The following CDK14 variants were observed in gnomAD, a reference collection of about 807,000 sequenced individuals.
The protein encoded by CDK14 is cyclin dependent kinase 14, also known as cyclin-dependent kinase 14.
CDK14 carries 34 observed loss-of-function variants against 60.7 expected under a neutral mutation model. The observed-to-expected ratio is 0.56, with a 90% confidence interval of 0.43 to 0.75. The LOEUF is 0.75. CDK14 is among the 30% of genes least tolerant of loss of function. The pLI, the probability that CDK14 is intolerant of heterozygous loss-of-function variation, is 0.00. For synonymous variants in CDK14, 197 were observed against 203.7 expected (o/e 0.97, Z 0.28); for missense variants, 482 against 564.1 (o/e 0.85, Z 1.47).
At chr7:90,767,146 T>C (rs977399824) in intron 4 of CDK14, among the ~76,000 whole-genome samples, 2 of 152,194 alleles carry the variant, frequency 1.3e-5, no homozygotes, top group Non-Finnish European at 2.9e-5. Context: ...CAATTATACC[T>C]TTAACAGACA....
intron 9 of CDK14, among the ~76,000 whole-genome samples, chr7:90,976,594 C>G (rs2115584665): frequency 6.6e-6 from 1 of 151,980 alleles, no homozygotes; most frequent in Middle Eastern, 3.4e-3. Context: ...AACTCCCTAG[C>G]CTCAAGTGAT....
At chr7:90,739,413 T>A (rs1266554280) in intron 3 of CDK14, among the ~76,000 whole-genome samples, 1 of 152,194 alleles carries the variant, frequency 6.6e-6, no homozygotes, top group East Asian at 1.9e-4. Context: ...TTGTTTTTAT[T>A]AAAATTTTTT....
At chr7:90,945,817 C>G (rs1794082716) in intron 8 of CDK14, among the ~76,000 whole-genome samples, 2 of 152,182 alleles carry the variant, frequency 1.3e-5, no homozygotes, top group Admixed American at 1.3e-4. Context: ...ACATGTATTT[C>G]ACAGACAAAG....
Position 90,781,974 on chromosome 7 carries a change from G to A in CDK14, c.465-8599G>A, listed in dbSNP as rs1805346685. On this transcript the variant is annotated intron_variant, in intron 4 of 14. Transcript: ENST00000380050. ...TGCAGAAAGTCATTGGTAGCTTGAT[G>A]GGAATGGTATTGAATCTATAAATTA... Among the ~76,000 whole-genome samples, 3 of 152,256 alleles carry A rather than the reference G, an allele frequency of 2.0e-5. No individual in the cohort carries two copies. In the South Asian group the frequency reaches 6.2e-4, roughly 32 times the overall value.
chr7:91,163,180 A>C (rs1261167245), intron 14 of CDK14, among the ~76,000 whole-genome samples: 8 of 152,200 alleles, frequency 5.3e-5, no homozygotes, highest in Non-Finnish European at 1.0e-4. Context: ...TGAAAGCAGC[A>C]AAGAAGATCT....
At chr7:90,790,694 G>A (rs182939053) in intron 5 of CDK14, 42 bp downstream of exon 5, 331 of 1,285,900 alleles carry the variant, frequency 2.6e-4, no homozygotes, top group Non-Finnish European at 3.6e-4. Context: ...GTGTTTCTAT[G>A]GTCCCCGTAG....
At chr7:90,753,128 C>T (rs1803913892) in intron 4 of CDK14, among the ~76,000 whole-genome samples, 1 of 152,104 alleles carries the variant, frequency 6.6e-6, no homozygotes, top group Non-Finnish European at 1.5e-5. Flanking sequence ...TGGACACCGC[C>T]TTATCATCGA....
At chr7:91,034,498 T>A (rs928026580) in intron 10 of CDK14, among the ~76,000 whole-genome samples, 4 of 152,190 alleles carry the variant, frequency 2.6e-5, no homozygotes, top group Non-Finnish European at 4.4e-5. Flanking sequence ...GAGCTGTTTT[T>A]CTGTGTGTGT....
At chr7:90,907,684 C>A (rs17476549) in intron 7 of CDK14, among the ~76,000 whole-genome samples, 24,329 of 151,892 alleles carry the variant, frequency 0.16, 2,241 homozygotes, top group Middle Eastern at 0.28. Flanking sequence ...CTGAAGTATC[C>A]GCAATCCTAT....
At chr7:90,979,622 A>G (rs1795176094) in intron 9 of CDK14, 1 of 152,202 alleles carries the variant, frequency 6.6e-6, no homozygotes, top group Non-Finnish European at 1.5e-5. Flanking sequence ...CGACCTTACG[A>G]ACAATGAGAA....
chr7:90,689,400 G>A (rs1801507655), intron 2 of CDK14, among the ~76,000 whole-genome samples: 1 of 152,148 alleles, frequency 6.6e-6, no homozygotes, highest in Admixed American at 6.6e-5. Flanking sequence ...TATTCAGGGA[G>A]GTTGGGTGTG....
At chr7:90,635,857 G>C (rs1327972536) in intron 2 of CDK14, among the ~76,000 whole-genome samples, 2 of 151,700 alleles carry the variant, frequency 1.3e-5, no homozygotes, top group African/African-American at 4.8e-5. Flanking sequence ...CACGTCCCTT[G>C]TAAGTTGGAT....
intron 5 of CDK14, among the ~76,000 whole-genome samples, chr7:90,819,209 C>T (rs1403112174): frequency 6.6e-6 from 1 of 152,132 alleles, no homozygotes; most frequent in Non-Finnish European, 1.5e-5. Context: ...TTTGAGATGA[C>T]AGTCAAGAAC....
At chr7:90,814,904 A>G (rs899308866) in intron 5 of CDK14, among the ~76,000 whole-genome samples, 7 of 152,258 alleles carry the variant, frequency 4.6e-5, no homozygotes. Context: ...TCTCAGAAGA[A>G]GGACTCTCTT....
At chr7:90,757,455 C>T (rs903030394) in intron 4 of CDK14, among the ~76,000 whole-genome samples, 1 of 152,072 alleles carries the variant, frequency 6.6e-6, no homozygotes, top group Admixed American at 6.5e-5. Flanking sequence ...TAGTGTCAAA[C>T]CTCACTAACT....
chr7:91,000,674 A>G (rs1795812637), intron 10 of CDK14, among the ~76,000 whole-genome samples: 2 of 152,232 alleles, frequency 1.3e-5, no homozygotes, highest in African/African-American at 4.8e-5. Context: ...AAGTTTTAGA[A>G]AACAGAAAGA....
intron 10 of CDK14, among the ~76,000 whole-genome samples, chr7:91,019,443 C>T (rs1163365180): frequency 6.6e-6 from 1 of 152,112 alleles, no homozygotes; most frequent in Non-Finnish European, 1.5e-5. Flanking sequence ...TAAAGTATAG[C>T]CAGAGACTCC....
chr7:91,188,859 AAAG>A (rs1020629628), intron 14 of CDK14, among the ~76,000 whole-genome samples: 3 of 152,212 alleles, frequency 2.0e-5, no homozygotes, highest in African/African-American at 4.8e-5. Flanking sequence ...TCTTTTCTGT[AAAG>A]AAGAGGATAA....
chr7:91,106,724 C>T (rs867544701), intron 12 of CDK14, among the ~76,000 whole-genome samples: 1 of 152,080 alleles, frequency 6.6e-6, no homozygotes, highest in Non-Finnish European at 1.5e-5. Context: ...AAGGAGCCAT[C>T]CACTTGGAGA....
Sources: allele counts gnomAD v4.1 joint callset (sites outside exome capture counted in the v4.1 genomes callset), GRCh38; gene constraint gnomAD v4.1.1; transcripts MANE v1.5; gene names NCBI Gene and HGNC (gene_info 2026-07-23, HGNC 2026-07-21).